Variants in KIT observed in about 807,000 individuals in gnomAD.
The protein encoded by KIT is KIT proto-oncogene, receptor tyrosine kinase.
In KIT, 16 loss-of-function variants were observed where a neutral mutation model predicts 105.7. The ratio of observed to expected loss-of-function variants is 0.15; its 90% CI spans 0.10 to 0.23. The LOEUF (loss-of-function observed/expected upper bound fraction) is 0.23, where lower values mean the gene tolerates loss of function less well. Among genes scored for constraint, KIT ranks in the 10% least tolerant of loss-of-function variants. The pLI is 1.00. For missense variants in KIT, 858 were observed against 1,213.8 expected (o/e 0.71, Z 4.36); for synonymous variants, 438 against 441.1 (o/e 0.99, Z 0.09).
intron 1 of KIT, among the ~76,000 whole-genome samples, chr4:54,671,837 A>G (rs1718130146): frequency 6.6e-6 from 1 of 152,184 alleles, no homozygotes; most frequent in African/African-American, 2.4e-5. Context: ...ATAACCATCT[A>G]GCTTCAACAC....
rs1037953592 is a variant in KIT at position 54,740,169 on chromosome 4, A to G, written c.*1612A>G. On this transcript the variant is annotated 3_prime_UTR_variant, in exon 21 of 21. Transcript: ENST00000288135. ...CCCCCTTCTACATTTCTTAGACTAC[A>G]TTTAGAGAACTGTGGCCGTTATCTG... The G allele has an allele frequency of 4.3e-6, 1 of 233,478 alleles. No individual in the cohort carries two copies. The highest frequency in any genetic ancestry group is 8.5e-6 in the Non-Finnish European group (1 of 118,010). 14.5% of individuals were successfully genotyped at this position (233,478 alleles called of 1,614,324 possible).
At chr4:54,738,377 G>C (rs375432978) in intron 20 of KIT, 52 bp from the exon 21 acceptor site, 6 of 1,605,518 alleles carry the variant, frequency 3.7e-6, no homozygotes, top group Non-Finnish European at 5.1e-6. Context: ...GCCTTTTGTT[G>C]CTATGTTCGT....
chr4:54,663,005 A>C (rs1056331922), intron 1 of KIT, among the ~76,000 whole-genome samples: 15 of 149,422 alleles, frequency 1.0e-4, no homozygotes, highest in African/African-American at 3.7e-4. Flanking sequence ...AAAAAAAAAA[A>C]CTACACATCT....
At chr4:54,726,722 T>C (rs574854823) in intron 9 of KIT, among the ~76,000 whole-genome samples, 2 of 151,938 alleles carry the variant, frequency 1.3e-5, no homozygotes, top group East Asian at 1.9e-4. Context: ...TTTTGAGTAG[T>C]GAGGGGAAGA....
At chr4:54,692,845 T>C (rs1031080661) in intron 1 of KIT, among the ~76,000 whole-genome samples, 10 of 152,210 alleles carry the variant, frequency 6.6e-5, no homozygotes, top group Non-Finnish European at 8.8e-5. Flanking sequence ...ATTGGACTTA[T>C]TGTCTTTTGA....
At chr4:54,723,066 C>T (rs1400926919) in intron 7 of KIT, among the ~76,000 whole-genome samples, 1 of 151,868 alleles carries the variant, frequency 6.6e-6, no homozygotes, top group East Asian at 1.9e-4. Context: ...GGCTTTTAAT[C>T]GGCACCACCC....
chr4:54,677,763 T>G (rs73818381), intron 1 of KIT, among the ~76,000 whole-genome samples: 12,428 of 152,276 alleles, frequency 0.082, 628 homozygotes, highest in African/African-American at 0.14. Flanking sequence ...AAGTTGCCCT[T>G]CAGAAGCAAC....
At chr4:54,666,192 T>C (rs1343272239) in intron 1 of KIT, among the ~76,000 whole-genome samples, 1 of 152,174 alleles carries the variant, frequency 6.6e-6, no homozygotes, top group Non-Finnish European at 1.5e-5. Flanking sequence ...ATATTTTTAG[T>C]GTGTGAGTGA....
chr4:54,718,367 A>G (rs2237013), intron 7 of KIT, among the ~76,000 whole-genome samples: 127,038 of 152,228 alleles, frequency 0.83, 53,134 homozygotes, highest in Middle Eastern at 0.89. Context: ...AGCGTGAGCC[A>G]CTGCACCCGG....
chr4:54,699,992 A>G, intron 4 of KIT, among the ~76,000 whole-genome samples: 1 of 152,176 alleles, frequency 6.6e-6, no homozygotes, highest in East Asian at 1.9e-4. Context: ...ATTTATTTTG[A>G]GAAACTTGAG....
chr4:54,716,477 A>G (rs958186744), intron 7 of KIT, among the ~76,000 whole-genome samples: 10 of 152,180 alleles, frequency 6.6e-5, no homozygotes, highest in African/African-American at 2.4e-4. Flanking sequence ...ATAGGTTACC[A>G]TTACTAATAT....
At chr4:54,694,004 G>C (rs190235970) in intron 1 of KIT, among the ~76,000 whole-genome samples, 1 of 152,120 alleles carries the variant, frequency 6.6e-6, no homozygotes, top group Admixed American at 6.5e-5. Context: ...TGATTCTCTG[G>C]GATCTCACTA....
intron 7 of KIT, among the ~76,000 whole-genome samples, chr4:54,717,399 T>A (rs1721578224): frequency 6.6e-6 from 1 of 152,162 alleles, no homozygotes; most frequent in African/African-American, 2.4e-5. Flanking sequence ...ACTGAACCTG[T>A]AAGAGAACCA....
chr4:54,704,017 A>G (rs940481642), intron 5 of KIT, 125 bp downstream of exon 5: 4 of 879,098 alleles, frequency 4.6e-6, no homozygotes, highest in South Asian at 4.1e-5. Flanking sequence ...CACTGAATGA[A>G]TGAAAATTAT....
rs374034445 is a variant in KIT at position 54,678,943 on chromosome 4, C to T, written c.68-16569C>T. 9.2e-5 allele frequency among the ~76,000 whole-genome samples: 14 copies of T among 151,856 alleles called. No individual in the cohort carries two copies. The East Asian group carries it at 1.9e-3, about 21-fold the overall frequency. Reference sequence around the variant, plus strand: ...AGTAAGTTGCTAACATGACCCCCTCCCCCACCTTTGCTGTGCCCCCTTGAA... The same window carrying T: ...AGTAAGTTGCTAACATGACCCCCTCTCCCACCTTTGCTGTGCCCCCTTGAA... On this transcript the variant is annotated intron_variant, in intron 1 of 20. Transcript: ENST00000288135.
chr4:54,697,053 A>G (rs1481536397), intron 2 of KIT, among the ~76,000 whole-genome samples: 1 of 152,224 alleles, frequency 6.6e-6, no homozygotes. Context: ...ATCCTTAATT[A>G]TAACAAATGT....
At chr4:54,702,063 A>G (rs3111795) in intron 4 of KIT, among the ~76,000 whole-genome samples, 75,749 of 152,014 alleles carry the variant, frequency 0.5, 19,253 homozygotes, top group East Asian at 0.76. Flanking sequence ...ATTAGTTAAC[A>G]GCAAAGCAGG....
At chr4:54,728,358 T>TCAA (rs1327207775) in intron 13 of KIT, among the ~76,000 whole-genome samples, 1 of 152,162 alleles carries the variant, frequency 6.6e-6, no homozygotes, top group African/African-American at 2.4e-5. Context: ...ATTTGTAACA[T>TCAA]CAACGACATC....
intron 1 of KIT, among the ~76,000 whole-genome samples, chr4:54,667,167 G>C (rs549415408): frequency 2.0e-5 from 3 of 152,242 alleles, no homozygotes; most frequent in Non-Finnish European, 4.4e-5. Flanking sequence ...GGGTGGATTG[G>C]TTACCCACCA....
Sources: allele counts gnomAD v4.1 joint callset (sites outside exome capture counted in the v4.1 genomes callset), GRCh38; gene constraint gnomAD v4.1.1; transcripts MANE v1.5; gene names NCBI Gene and HGNC (gene_info 2026-07-23, HGNC 2026-07-21).